NF1: variants seen among roughly 807,000 people sequenced by gnomAD.
The protein encoded by NF1 is neurofibromin 1, also known as neurofibromin.
A neutral mutation model predicts 325.7 loss-of-function variants in NF1; 122 were observed. The observed-to-expected ratio is 0.37, with a 90% CI of 0.32 to 0.44. NF1 has a LOEUF of 0.44. Ranked by LOEUF, NF1 falls within the 20% of genes least tolerant of loss-of-function variation. The pLI is 1.00. For synonymous variants in NF1, 1,091 were observed against 1,186.0 expected, an observed-to-expected ratio of 0.92 and a Z score of 1.65; for missense variants, 2,140 against 3,415.4, an observed-to-expected ratio of 0.63 and a Z score of 9.31.
chr17:31,364,277 C>CTATA (rs1417973069), intron 57 of NF1, among the ~76,000 whole-genome samples: 2 of 152,208 alleles, frequency 1.3e-5, no homozygotes, highest in African/African-American at 4.8e-5. Context: ...CAACATCAAC[C>CTATA]TATACTTAGT....
At position 31,206,667 on chromosome 17, in the gene NF1, CTTTTGAACAAAAATA is replaced by C. The variant is rs17884042; in HGVS notation, c.1392+303_1392+317del. ...TTTAAAGTTTTTTTTCTCCTTAAAA[CTTTTGAACAAAAATA>C]TTTTGATTAGCCTCTCACGTTTTGG... is the stretch of plus-strand genomic sequence containing the variant. On this transcript the variant is annotated intron_variant, in intron 12 of 57. Coordinates refer to ENST00000358273, the MANE Select transcript of NF1 (RefSeq NM_001042492.3). Among the ~76,000 whole-genome samples, 80,885 of 151,510 alleles carry C rather than the reference CTTTTGAACAAAAATA, an allele frequency of 0.53. 25,431 individuals carry two copies. Among genetic ancestry groups the C allele is most frequent in the Middle Eastern group, 0.76 (222 of 294 alleles).
intron 5 of NF1, among the ~76,000 whole-genome samples, chr17:31,176,187 C>CT (rs2066020131): frequency 6.6e-6 from 1 of 152,132 alleles, no homozygotes; most frequent in Non-Finnish European, 1.5e-5. Context: ...AGCATCTTTT[C>CT]TTTCCTGACT....
rs1168627441 is a variant in NF1 at position 31,103,862 on chromosome 17, TAAAGA to T, written c.60+8502_60+8506del. 1.7e-4 allele frequency among the ~76,000 whole-genome samples: 26 copies of T among 151,312 alleles called. 1 individual carries two copies. Among genetic ancestry groups the T allele is most frequent in the Admixed American group, 1.5e-3 (23 of 15,190 alleles). On this transcript the variant is annotated intron_variant, in intron 1 of 57. Transcript: ENST00000358273. ...TCAGCCAGTGTGCATTGGTTGAAAG[TAAAGA>T]AAAGAAAAAAAACAGACAAATTAGC... is the stretch of plus-strand genomic sequence containing the variant.
At position 31,358,579 on chromosome 17, in the gene NF1, C is replaced by T. The variant is rs2151585064; in HGVS notation, c.8070C>T (p.Tyr2690=). 6.2e-7 allele frequency: 1 copy of T among 1,613,734 alleles called. No homozygotes were observed. The highest frequency in any genetic ancestry group is 8.5e-7 in the Non-Finnish European group (1 of 1,179,814). The change falls in exon 55 of 58, where the codon TAC becomes TAT. Residue 2690 remains tyrosine, a synonymous_variant. Transcript: ENST00000358273. ...ATGGAATTGTGCAGAGTGTGGTGTA[C>T]CATGAAGAATCCCCACCACAATACC... ...PIHGIVQSVV[Y]HEESPPQYQT...
chr17:31,181,822 T>G, intron 7 of NF1, 37 bp downstream of exon 7: 2 of 1,326,030 alleles, frequency 1.5e-6, no homozygotes, highest in South Asian at 2.4e-5. Context: ...TTTTTTGTCT[T>G]TTAAATGCCT....
chr17:31,229,548 A>T, intron 21 of NF1, 83 bp downstream of exon 21: 2 of 1,486,188 alleles, frequency 1.3e-6, no homozygotes, highest in South Asian at 2.3e-5. Flanking sequence ...AGATTATTTA[A>T]ATTAGGTACT....
At chr17:31,307,336 T>C (rs2068751954) in intron 36 of NF1, among the ~76,000 whole-genome samples, 1 of 152,212 alleles carries the variant, frequency 6.6e-6, no homozygotes, top group Non-Finnish European at 1.5e-5. Flanking sequence ...AATAATTTGA[T>C]AAGCTTTCTC....
intron 1 of NF1, among the ~76,000 whole-genome samples, chr17:31,132,038 C>A (rs1283140218): frequency 6.6e-6 from 1 of 152,086 alleles, no homozygotes; most frequent in Non-Finnish European, 1.5e-5. Flanking sequence ...TCAAGCAGTC[C>A]TCCCACCTTA....
intron 36 of NF1, among the ~76,000 whole-genome samples, chr17:31,286,284 A>G (rs1482941345): frequency 6.6e-6 from 1 of 151,960 alleles, no homozygotes; most frequent in Non-Finnish European, 1.5e-5. Context: ...TAGTAGAGAC[A>G]GGGTTTTGCT....
At chr17:31,348,141 GAAGGA>G (rs1435937104) in intron 48 of NF1, among the ~76,000 whole-genome samples, 1 of 76,712 alleles carries the variant, frequency 1.3e-5, no homozygotes, top group Non-Finnish European at 2.8e-5. Context: ...CTGATATGAG[GAAGGA>G]AAATTGCACA....
At chr17:31,141,994 C>A (rs1028400471) in intron 1 of NF1, among the ~76,000 whole-genome samples, 1 of 152,142 alleles carries the variant, frequency 6.6e-6, no homozygotes. Context: ...GTAAACCCTA[C>A]CCCCATTATG....
intron 5 of NF1, among the ~76,000 whole-genome samples, chr17:31,173,215 C>G (rs973293475): frequency 1.3e-5 from 2 of 152,058 alleles, no homozygotes; most frequent in Non-Finnish European, 2.9e-5. Flanking sequence ...AGGAGACCAT[C>G]CTGGCTAACA....
intron 5 of NF1, among the ~76,000 whole-genome samples, chr17:31,172,283 T>C (rs1280372177): frequency 2.6e-5 from 4 of 151,980 alleles, no homozygotes; most frequent in Non-Finnish European, 2.9e-5. Context: ...TAAGCTGTGA[T>C]TGTGCCACTG....
intron 1 of NF1, among the ~76,000 whole-genome samples, chr17:31,110,911 CA>C (rs1051151002): frequency 3.3e-5 from 5 of 151,314 alleles, no homozygotes; most frequent in Non-Finnish European, 5.9e-5. Flanking sequence ...AAAACAAAAA[CA>C]AAAAAAACCC....
intron 1 of NF1, among the ~76,000 whole-genome samples, chr17:31,147,493 G>A (rs1348357394): frequency 6.6e-6 from 1 of 152,092 alleles, no homozygotes; most frequent in Non-Finnish European, 1.5e-5. Context: ...TATAAAACAT[G>A]CTGCTGTAAA....
At chr17:31,200,338 G>A in intron 8 of NF1, 84 bp from the exon 9 acceptor site, 1 of 1,269,168 alleles carries the variant, frequency 7.9e-7, no homozygotes, top group Non-Finnish European at 1.1e-6. Flanking sequence ...AGTTTTAGAG[G>A]CTGTTAATTT....
intron 36 of NF1, among the ~76,000 whole-genome samples, chr17:31,323,013 G>A (rs1160808836): frequency 6.6e-6 from 1 of 152,130 alleles, no homozygotes; most frequent in Non-Finnish European, 1.5e-5. Context: ...TTCTTTAAGG[G>A]AAAATAAAAC....
At chr17:31,280,210 A>AT (rs977855655) in intron 36 of NF1, among the ~76,000 whole-genome samples, 68 of 147,622 alleles carry the variant, frequency 4.6e-4, no homozygotes, top group South Asian at 1.3e-3. Flanking sequence ...TTTTTTTTTA[A>AT]TTTTTTTTTT....
chr17:31,307,988 T>C, intron 36 of NF1: 1 of 1,152,046 alleles, frequency 8.7e-7, no homozygotes, highest in Non-Finnish European at 1.2e-6. Flanking sequence ...AGATATGTGA[T>C]TTTTTTCCCT....
Sources: allele counts gnomAD v4.1 joint callset (sites outside exome capture counted in the v4.1 genomes callset), GRCh38; gene constraint gnomAD v4.1.1; transcripts MANE v1.5; gene names NCBI Gene and HGNC (gene_info 2026-07-23, HGNC 2026-07-21).